Variants in SYN3 observed in about 807,000 individuals in gnomAD.
The protein encoded by SYN3 is synapsin III.
Under a neutral mutation model 65.8 loss-of-function variants are expected in SYN3, and 35 were observed. The observed-to-expected ratio is 0.53, with a 90% CI of 0.41 to 0.70. The LOEUF (loss-of-function observed/expected upper bound fraction) is 0.70, where lower values mean the gene tolerates loss of function less well. Ranked by LOEUF, SYN3 falls within the 30% of genes least tolerant of loss-of-function variation. The pLI is 0.00. For synonymous variants in SYN3, 270 were observed against 292.9 expected, an observed-to-expected ratio of 0.92 and a Z score of 0.80; for missense variants, 680 against 749.0, an observed-to-expected ratio of 0.91 and a Z score of 1.08.
At chr22:32,785,145 G>A (rs1422561880) in intron 6 of SYN3, among the ~76,000 whole-genome samples, 1 of 152,162 alleles carries the variant, frequency 6.6e-6, no homozygotes, top group East Asian at 1.9e-4. Context: ...ACAGCTGGAG[G>A]GGATGAGAGG....
At chr22:32,610,565 TTTTTG>T (rs59707741) in intron 6 of SYN3, among the ~76,000 whole-genome samples, 86,635 of 150,134 alleles carry the variant, frequency 0.58, 25,512 homozygotes, top group African/African-American at 0.64. Context: ...TGTATGTGTG[TTTTTG>T]TTTTGTTTTG....
chr22:32,713,293 A>C (rs531835149), intron 6 of SYN3, among the ~76,000 whole-genome samples: 6 of 152,356 alleles, frequency 3.9e-5, no homozygotes, highest in African/African-American at 1.4e-4. Flanking sequence ...GCTTAAGAAT[A>C]AACACTGTAG....
At chr22:32,977,164 T>C (rs1286941510) in intron 3 of SYN3, among the ~76,000 whole-genome samples, 2 of 152,144 alleles carry the variant, frequency 1.3e-5, no homozygotes, top group Non-Finnish European at 2.9e-5. Flanking sequence ...GAGGGGCAGG[T>C]TGGAAATCAG....
At chr22:32,918,238 A>G (rs1215004903) in intron 4 of SYN3, among the ~76,000 whole-genome samples, 2 of 152,246 alleles carry the variant, frequency 1.3e-5, no homozygotes, top group Admixed American at 6.5e-5. Flanking sequence ...AAAACAGCTT[A>G]ACTTGATCCT....
In SYN3 at chr22:32,780,287, G is replaced by A. The variant is rs140948482; in HGVS notation, c.711+84628C>T. On this transcript the variant is annotated intron_variant, in intron 6 of 13. Coordinates refer to ENST00000358763, the MANE Select transcript of SYN3 (RefSeq NM_003490.4). Reference sequence around the variant, plus strand: ...GCTGAAGCTGGCCCTGGGGGGTGCCGGGAGGTGAATGAGAGAAGTGTCTCA... The same window carrying A: ...GCTGAAGCTGGCCCTGGGGGGTGCCAGGAGGTGAATGAGAGAAGTGTCTCA... Among the ~76,000 whole-genome samples the A allele has an allele frequency of 6.0e-4, 92 of 152,128 alleles. No individual in the cohort carries two copies. The East Asian group carries it at 0.013, about 22-fold the overall frequency.
At chr22:32,599,343 G>A (rs1429943237) in intron 6 of SYN3, among the ~76,000 whole-genome samples, 9 of 149,954 alleles carry the variant, frequency 6.0e-5, no homozygotes, top group Admixed American at 2.0e-4. Flanking sequence ...TTTTTTTGAG[G>A]CAGAGTCTCG....
intron 4 of SYN3, among the ~76,000 whole-genome samples, chr22:32,899,359 T>C (rs1285777574): frequency 6.6e-6 from 1 of 152,212 alleles, no homozygotes; most frequent in Non-Finnish European, 1.5e-5. Context: ...TTATATTATC[T>C]ACAGTGCAGT....
At chr22:32,548,519 C>T (rs1036638280) in intron 7 of SYN3, among the ~76,000 whole-genome samples, 2 of 151,946 alleles carry the variant, frequency 1.3e-5, no homozygotes, top group African/African-American at 4.8e-5. Flanking sequence ...ACTACAGGCG[C>T]CCACCACCAT....
rs1268819823 is a variant in SYN3 at position 32,869,045 on chromosome 22, A to C, written c.542T>G (p.Val181Gly). The stretch of plus-strand genomic sequence containing the variant: ...CAGCCCTCCATACTGCAGGCCGATG[A>C]CCAGGCTGCGGTAGTCTTCCCCCAG... ...MALGEDYRSL[V>G]IGLQYGGLPA... The change falls in exon 5 of 14, where the codon GTC becomes GGC. Residue 181 changes from valine to glycine, a missense_variant. Transcript: ENST00000358763. 1 of 1,614,090 alleles carries C rather than the reference A, an allele frequency of 6.2e-7. No individual in the cohort carries two copies.
chr22:32,943,796 T>C (rs1030511224), intron 3 of SYN3, among the ~76,000 whole-genome samples: 2 of 152,160 alleles, frequency 1.3e-5, no homozygotes, highest in Admixed American at 6.5e-5. Context: ...GGGGTTGCAA[T>C]CCTAGTCTCT....
intron 7 of SYN3, among the ~76,000 whole-genome samples, chr22:32,556,392 A>G (rs924157371): frequency 6.6e-6 from 1 of 152,160 alleles, no homozygotes; most frequent in African/African-American, 2.4e-5. Flanking sequence ...TGGCACAACC[A>G]CCACCAAAAA....
At position 32,597,683 on chromosome 22, in the gene SYN3, G is replaced by A. The variant is rs1268292935; in HGVS notation, c.712-947C>T. 2.0e-5 allele frequency among the ~76,000 whole-genome samples: 3 copies of A among 152,266 alleles called. No homozygotes were observed. In the East Asian group the frequency reaches 5.8e-4, roughly 29 times the overall value. Reference sequence around the variant, plus strand: ...GCTCCGTGCTGAGCGACTGCTCTGCGTCACCTCCCTTAGGAAGCCACACTT... The same window carrying A: ...GCTCCGTGCTGAGCGACTGCTCTGCATCACCTCCCTTAGGAAGCCACACTT... On this transcript the variant is annotated intron_variant, in intron 6 of 13. Transcript: ENST00000358763.
chr22:32,520,040 T>C (rs912835659), intron 12 of SYN3, among the ~76,000 whole-genome samples: 2 of 152,198 alleles, frequency 1.3e-5, no homozygotes, highest in Non-Finnish European at 2.9e-5. Context: ...GAGAGCCACA[T>C]GTATAATTAC....
intron 1 of SYN3, chr22:33,057,780 A>C (rs1310461320): frequency 2.0e-5 from 3 of 152,422 alleles, no homozygotes; most frequent in Admixed American, 2.0e-4. Flanking sequence ...TGGCCAGGAA[A>C]CCACTCTGAA....
chr22:33,039,577 G>A (rs535997312), intron 1 of SYN3, among the ~76,000 whole-genome samples: 1 of 151,762 alleles, frequency 6.6e-6, no homozygotes. Context: ...TGTATTTTTA[G>A]TAGAAACGGA....
At chr22:32,667,801 T>TCTTTCTTTC (rs1457175055) in intron 6 of SYN3, among the ~76,000 whole-genome samples, 7 of 144,002 alleles carry the variant, frequency 4.9e-5, no homozygotes, top group African/African-American at 1.9e-4. Context: ...TTTCTTTCTT[T>TCTTTCTTTC]TTTTTTTTTT....
intron 4 of SYN3, 92 bp downstream of exon 4, chr22:32,931,298 G>C: frequency 1.2e-6 from 1 of 832,010 alleles, no homozygotes; most frequent in Non-Finnish European, 2.1e-6. Flanking sequence ...TGGCAAAGGA[G>C]TTAGGTCGCA....
In SYN3 at chr22:32,541,647, C is replaced by T. The variant is rs200361200; in HGVS notation, c.841G>A (p.Ala281Thr). Residue 281 changes from alanine (A) to threonine (T), a missense_variant, in exon 8 of 14, where the codon GCC (alanine) becomes ACC (threonine). By Grantham distance (58) the Ala-to-Thr change is moderately conservative (BLOSUM62 0). Transcript: ENST00000358763. ...TSVVAMAKTY[A>T]TTEAFIDSKY... ...GAGTCGATGAAGGCCTCGGTGGTGGCGTAGGTTTTGGCCATGGCGACCACG... is the reference window on the plus strand; with the variant it reads ...GAGTCGATGAAGGCCTCGGTGGTGGTGTAGGTTTTGGCCATGGCGACCACG... The T allele has an allele frequency of 3.4e-4, 543 of 1,614,030 alleles. No homozygotes were observed. Among genetic ancestry groups the T allele is most frequent in the Non-Finnish European group, 4.5e-4 (536 of 1,180,014 alleles).
chr22:32,569,553 CTCTCTCTCTCTCTCTCTCTATA>C (rs1207572011), intron 7 of SYN3, among the ~76,000 whole-genome samples: 11 of 84,636 alleles, frequency 1.3e-4, no homozygotes, highest in East Asian at 4.0e-4. Context: ...CTCTCTCTCT[CTCTCTCTCTCTCTCTCTCTATA>C]TATATATATA....
Sources: gnomAD v4.1 joint callset for allele counts (sites outside exome capture counted in the v4.1 genomes callset) on GRCh38, gnomAD v4.1.1 for gene constraint, MANE v1.5 for transcripts, NCBI Gene and HGNC (gene_info 2026-07-23, HGNC 2026-07-21) for gene names.